Variants in KLRG1 observed in about 807,000 individuals in gnomAD.
KLRG1 encodes killer cell lectin like receptor G1.
A neutral mutation model predicts 21.8 loss-of-function variants in KLRG1; 16 were observed. That is an observed-to-expected ratio of 0.73 (90% confidence interval 0.50 to 1.11). KLRG1 has a LOEUF of 1.11. Ranked by LOEUF, KLRG1 falls within the 50% of genes most tolerant of loss-of-function variation. The probability of loss-of-function intolerance (pLI) is 0.00; values close to 1 mark genes in which losing one functional copy is unlikely to be tolerated. For missense variants in KLRG1, 173 were observed against 218.3 expected (o/e 0.79, Z 1.31); for synonymous variants, 69 against 75.9 (o/e 0.91, Z 0.47).
the KLRG1 span, among the ~76,000 whole-genome samples, chr12:9,197,891 T>C: frequency 1.4e-4 from 18 of 124,704 alleles, no homozygotes; most frequent in African/African-American, 5.6e-4. Flanking sequence ...ATTAATAATA[T>C]ATAAATTATA....
In KLRG1 at chr12:8,974,357, C is replaced by T. The variant is rs945326312; in HGVS notation, c.-155-17849C>T. 9.2e-5 allele frequency among the ~76,000 whole-genome samples: 14 copies of T among 151,988 alleles called. No homozygotes were observed. The South Asian group carries it at 1.5e-3, about 16-fold the overall frequency. On this transcript the variant is annotated intron_variant, in intron 1 of 4. Coordinates refer to the KLRG1 transcript ENST00000539240. ...TAATTTTTTGTATTTTTAGTAGAGA[C>T]GGGGTTTCACCGTGTTAGCCAGGAT...
At chr12:8,994,266 A>G (rs1947064486) in intron 2 of KLRG1, among the ~76,000 whole-genome samples, 1 of 152,050 alleles carries the variant, frequency 6.6e-6, no homozygotes, top group Non-Finnish European at 1.5e-5. Context: ...AGGTTTCACC[A>G]TGTTGGCTAG....
At chr12:9,182,927 C>T in the KLRG1 span, among the ~76,000 whole-genome samples, 1 of 152,204 alleles carries the variant, frequency 6.6e-6, no homozygotes, top group Non-Finnish European at 1.5e-5. Flanking sequence ...CTACATCCCT[C>T]CTGTCCCAGA....
the KLRG1 span, among the ~76,000 whole-genome samples, chr12:9,159,082 G>A: frequency 0.26 from 38,811 of 151,986 alleles, 5,626 homozygotes; most frequent in Admixed American, 0.33. Flanking sequence ...GAGAGAGAAA[G>A]GATATCATCT....
chr12:8,995,966 G>A (rs1947119086), intron 3 of KLRG1, among the ~76,000 whole-genome samples: 1 of 152,182 alleles, frequency 6.6e-6, no homozygotes, highest in Non-Finnish European at 1.5e-5. Context: ...ACAGGCATGA[G>A]CCACCGTGCC....
the KLRG1 span, chr12:9,165,237 G>T: frequency 6.2e-7 from 1 of 1,614,178 alleles, no homozygotes; most frequent in Non-Finnish European, 8.5e-7. Flanking sequence ...ACAAAGAAGG[G>T]CTGGAAGGCT....
At chr12:9,189,435 C>T in the KLRG1 span, among the ~76,000 whole-genome samples, 1 of 152,144 alleles carries the variant, frequency 6.6e-6, no homozygotes, top group Admixed American at 6.6e-5. Flanking sequence ...AACTGGCTAG[C>T]CATAGGCAGA....
intron 1 of KLRG1, among the ~76,000 whole-genome samples, chr12:8,963,446 T>C (rs1946413016): frequency 6.6e-6 from 1 of 152,246 alleles, no homozygotes; most frequent in Non-Finnish European, 1.5e-5. Context: ...CAGCATTTTA[T>C]TGAGGATTTT....
At chr12:8,991,498 G>A (rs1351836423) in intron 1 of KLRG1, among the ~76,000 whole-genome samples, 1 of 152,064 alleles carries the variant, frequency 6.6e-6, no homozygotes, top group African/African-American at 2.4e-5. Context: ...AGGGTAAAAA[G>A]TCTTTTTCCT....
At chr12:9,191,939 T>C in the KLRG1 span, among the ~76,000 whole-genome samples, 1 of 152,194 alleles carries the variant, frequency 6.6e-6, no homozygotes, top group South Asian at 2.1e-4. Flanking sequence ...AGCTTTGTTT[T>C]GCTGTTAGAA....
Position 9,010,368 on chromosome 12 carries a change from C to A in KLRG1, c.*831C>A. ...GAACCAATGTGTGATTGTATCTTTT[C>A]CATTATGTGACTGTTTGACCTGCAT... is the stretch of plus-strand genomic sequence containing the variant. On this transcript the variant is annotated 3_prime_UTR_variant, in exon 5 of 5. Coordinates refer to ENST00000356986, the MANE Select transcript of KLRG1 (RefSeq NM_005810.4). 1 of 193,726 alleles carries A rather than the reference C, an allele frequency of 5.2e-6. No homozygotes were observed. The highest frequency in any genetic ancestry group is 1.0e-5 in the Non-Finnish European group (1 of 95,502). The allele number at this position is 193,726 out of a possible 1,614,324, so 12.0% of individuals were successfully genotyped here. A position where few individuals can be genotyped will look rare whatever the true frequency, so the allele number is the denominator to read the frequency against.
the KLRG1 span, chr12:9,169,751 T>C: frequency 1.7e-6 from 1 of 593,214 alleles, no homozygotes; most frequent in East Asian, 3.4e-5. Flanking sequence ...TATTTAACAG[T>C]GTTGTTTTGT....
intron 1 of KLRG1, among the ~76,000 whole-genome samples, chr12:8,969,813 C>G (rs1326281109): frequency 6.6e-6 from 1 of 152,070 alleles, no homozygotes; most frequent in African/African-American, 2.4e-5. Context: ...AGATTCTAAG[C>G]CATGAAAAGC....
chr12:9,154,941 A>G, the KLRG1 span: 4 of 1,186,000 alleles, frequency 3.4e-6, no homozygotes, highest in Admixed American at 4.7e-5. Context: ...TGAAAATAAT[A>G]CAGGAGAAGC....
intron 1 of KLRG1, among the ~76,000 whole-genome samples, chr12:8,951,611 T>C (rs4639983): frequency 0.8 from 122,392 of 152,154 alleles, 49,647 homozygotes; most frequent in Admixed American, 0.84. Flanking sequence ...TACTGACTTA[T>C]TTTTTATCAA....
chr12:8,992,137 T>A lies in KLRG1; in HGVS notation c.83-69T>A. ...AAATTGCTTTAAGATGCGATATCCT[T>A]CCCTGACTTTCTCTTTTCTTTCAAC... is the stretch of plus-strand genomic sequence containing the variant. On this transcript the variant is annotated intron_variant, in intron 1 of 4. Coordinates refer to ENST00000356986, the MANE Select transcript of KLRG1 (RefSeq NM_005810.4). The A allele has an allele frequency of 6.0e-6, 8 of 1,332,564 alleles. 1 individual carries two copies. In the South Asian group the frequency reaches 1.1e-4, roughly 18 times the overall value. 82.5% of individuals were successfully genotyped at this position (1,332,564 alleles called of 1,614,324 possible).
the KLRG1 span, among the ~76,000 whole-genome samples, chr12:9,031,551 A>G: frequency 2.0e-4 from 30 of 152,350 alleles, no homozygotes; most frequent in East Asian, 1.4e-3. Context: ...TTTGGGCACC[A>G]AAATATTGTC....
the KLRG1 span, among the ~76,000 whole-genome samples, chr12:9,047,884 G>T: frequency 1.3e-5 from 2 of 152,134 alleles, no homozygotes; most frequent in Non-Finnish European, 2.9e-5. Context: ...AAAACCGATA[G>T]AACTGCAAGG....
chr12:9,008,006 G>C (rs1947521155), intron 3 of KLRG1, among the ~76,000 whole-genome samples: 1 of 152,082 alleles, frequency 6.6e-6, no homozygotes, highest in Non-Finnish European at 1.5e-5. Flanking sequence ...TTGAATGTCA[G>C]ACTTTGCAGA....
Sources: allele counts gnomAD v4.1 joint callset (sites outside exome capture counted in the v4.1 genomes callset), GRCh38; gene constraint gnomAD v4.1.1; transcripts MANE v1.5; gene names NCBI Gene and HGNC (gene_info 2026-07-23, HGNC 2026-07-21).